TUSC3: variants seen among roughly 807,000 people sequenced by gnomAD.
TUSC3 encodes the protein dolichyl-diphosphooligosaccharide--protein glycosyltransferase subunit TUSC3.
Under a neutral mutation model 44.8 loss-of-function variants are expected in TUSC3, and 45 were observed. The observed-to-expected ratio is 1.00, with a 90% CI of 0.79 to 1.29. TUSC3 has a LOEUF of 1.29. Ranked by LOEUF, TUSC3 falls within the 50% of genes most tolerant of loss-of-function variation. The pLI is 0.00. For synonymous variants in TUSC3, 212 were observed against 152.9 expected, an observed-to-expected ratio of 1.39 and a Z score of -2.85; for missense variants, 519 against 437.9, an observed-to-expected ratio of 1.19 and a Z score of -1.65.
At chr8:15,673,224 C>T (rs1471464359) in intron 5 of TUSC3, among the ~76,000 whole-genome samples, 2 of 152,120 alleles carry the variant, frequency 1.3e-5, no homozygotes, top group Non-Finnish European at 1.5e-5. Context: ...TTTGTGATTT[C>T]TTCCATCTCT....
At chr8:15,426,140 A>G (rs1799800871) in intron 1 of TUSC3, among the ~76,000 whole-genome samples, 2 of 152,362 alleles carry the variant, frequency 1.3e-5, no homozygotes, top group South Asian at 4.1e-4. Flanking sequence ...ACATTTGATG[A>G]GTTTGATATG....
At chr8:15,752,336 C>A (rs953000272) in intron 9 of TUSC3, among the ~76,000 whole-genome samples, 1 of 145,736 alleles carries the variant, frequency 6.9e-6, no homozygotes, top group Non-Finnish European at 1.5e-5. Flanking sequence ...TATGGTGTGA[C>A]AGCCTTAATA....
intron 1 of TUSC3, among the ~76,000 whole-genome samples, chr8:15,604,826 A>C (rs1368720598): frequency 6.6e-6 from 1 of 151,808 alleles, no homozygotes; most frequent in African/African-American, 2.4e-5. Flanking sequence ...CATTTTTATT[A>C]CCAGAGAATC....
chr8:15,662,233 T>G lies in TUSC3; in HGVS notation c.645T>G (p.Leu215=), dbSNP rs1807454401. ...TAGTGTCGCTTGTTGGAGGTTTGCT[T>G]TATTTGAGAAGGAACAACTTGGAGT... The part of the protein sequence containing the change: ...ALLVSLVGGL[L]YLRRNNLEFI... The change falls in exon 5 of 11, where the codon CTT becomes CTG. Residue 215 remains leucine, a synonymous_variant. Coordinates refer to ENST00000503731, the MANE Select transcript of TUSC3 (RefSeq NM_006765.4). The G allele has an allele frequency of 1.2e-6, 2 of 1,613,110 alleles. No homozygotes were observed. Among genetic ancestry groups the G allele is most frequent in the Admixed American group, 3.3e-5 (2 of 59,908 alleles).
At chr8:15,555,930 G>A (rs1162295146) in intron 1 of TUSC3, among the ~76,000 whole-genome samples, 1 of 151,284 alleles carries the variant, frequency 6.6e-6, no homozygotes, top group African/African-American at 2.4e-5. Context: ...AATAATGTAT[G>A]CTTTCTGGAT....
At chr8:15,626,529 G>C (rs945916713) in intron 2 of TUSC3, among the ~76,000 whole-genome samples, 19 of 152,236 alleles carry the variant, frequency 1.2e-4, no homozygotes, top group Non-Finnish European at 2.5e-4. Flanking sequence ...GAAGCAGGCA[G>C]CAACCTTGCC....
downstream of TUSC3, among the ~76,000 whole-genome samples, chr8:15,768,893 A>G (rs972291497): frequency 2.6e-5 from 4 of 152,220 alleles, no homozygotes; most frequent in African/African-American, 9.6e-5. Flanking sequence ...GACCTCTTCA[A>G]GGAGAACTAC....
Position 15,668,645 on chromosome 8 carries a change from CAAAG to C in TUSC3, c.709-5098_709-5095del, listed in dbSNP as rs200379195. On this transcript the variant is annotated intron_variant, in intron 5 of 10. Coordinates refer to ENST00000503731, the MANE Select transcript of TUSC3 (RefSeq NM_006765.4). ...CCAAGATGGTATTATTTGTGACTCTCAAAGAAAACACAAATGTCCAAAACAAAAT... is the reference window on the plus strand; with the variant it reads ...CCAAGATGGTATTATTTGTGACTCTCAAAACACAAATGTCCAAAACAAAAT... 5.8e-3 allele frequency among the ~76,000 whole-genome samples: 877 copies of C among 151,794 alleles called. 6 individuals carry two copies. Among genetic ancestry groups the C allele is most frequent in the African/African-American group, 0.019 (806 of 41,476 alleles).
intron 6 of TUSC3, among the ~76,000 whole-genome samples, chr8:15,682,475 A>C (rs1808466330): frequency 5.9e-5 from 9 of 152,048 alleles, no homozygotes; most frequent in Admixed American, 5.9e-4. Flanking sequence ...ATCTCGTGTA[A>C]GTACAACCTC....
the TUSC3 span, among the ~76,000 whole-genome samples, chr8:15,808,865 T>A: frequency 3.9e-5 from 6 of 152,034 alleles, no homozygotes; most frequent in East Asian, 5.8e-4. Flanking sequence ...TGTCTTTTTT[T>A]AAAAAAAGAT....
At chr8:15,788,836 C>G in the TUSC3 span, among the ~76,000 whole-genome samples, 2 of 152,158 alleles carry the variant, frequency 1.3e-5, no homozygotes, top group Admixed American at 1.3e-4. Flanking sequence ...CAAAGCCACT[C>G]TCTTAGTAAT....
At chr8:15,486,625 A>G (rs1330890661) in intron 2 of TUSC3, among the ~76,000 whole-genome samples, 1 of 151,736 alleles carries the variant, frequency 6.6e-6, no homozygotes, top group Non-Finnish European at 1.5e-5. Context: ...TTGTATTTTT[A>G]GTAGAGATGG....
intron 2 of TUSC3, among the ~76,000 whole-genome samples, chr8:15,532,527 A>G (rs1801462894): frequency 6.6e-6 from 1 of 152,184 alleles, no homozygotes; most frequent in Non-Finnish European, 1.5e-5. Context: ...ATTTAAAGTA[A>G]AAAGGGCAGG....
chr8:15,436,230 G>A (rs576585340), intron 1 of TUSC3, among the ~76,000 whole-genome samples: 1 of 152,278 alleles, frequency 6.6e-6, no homozygotes, highest in Non-Finnish European at 1.5e-5. Flanking sequence ...AGCCATAGAA[G>A]TCATACAGTC....
At chr8:15,496,303 A>G (rs917631748) in intron 2 of TUSC3, among the ~76,000 whole-genome samples, 1 of 151,976 alleles carries the variant, frequency 6.6e-6, no homozygotes, top group African/African-American at 2.4e-5. Flanking sequence ...AATATCTGGC[A>G]CTCCAGTTTC....
At chr8:15,657,886 A>G (rs187959539) in intron 3 of TUSC3, among the ~76,000 whole-genome samples, 1 of 152,254 alleles carries the variant, frequency 6.6e-6, no homozygotes, top group South Asian at 2.1e-4. Flanking sequence ...TGAAAGTCCA[A>G]TATTTAAATA....
the TUSC3 span, among the ~76,000 whole-genome samples, chr8:15,812,087 G>A: frequency 6.6e-6 from 1 of 152,128 alleles, no homozygotes; most frequent in African/African-American, 2.4e-5. Flanking sequence ...TCTTGTCAAG[G>A]TTTTTGGGAC....
At chr8:15,506,971 A>G (rs1453163586) in intron 2 of TUSC3, among the ~76,000 whole-genome samples, 1 of 152,182 alleles carries the variant, frequency 6.6e-6, no homozygotes, top group East Asian at 1.9e-4. Flanking sequence ...ATATTTCTAG[A>G]TGGCTGTTTA....
At chr8:15,579,253 C>T (rs1346311137) in intron 1 of TUSC3, among the ~76,000 whole-genome samples, 3 of 138,022 alleles carry the variant, frequency 2.2e-5, no homozygotes, top group Admixed American at 1.5e-4. Flanking sequence ...TTTGTTGATC[C>T]TTTCAAAAAA....
Sources: gnomAD v4.1 joint callset for allele counts (sites outside exome capture counted in the v4.1 genomes callset) on GRCh38, gnomAD v4.1.1 for gene constraint, MANE v1.5 for transcripts, NCBI Gene and HGNC (gene_info 2026-07-23, HGNC 2026-07-21) for gene names.